The following UBE4B variants were observed in gnomAD, a reference collection of about 807,000 sequenced individuals.
The protein encoded by UBE4B is ubiquitination factor E4B.
UBE4B carries 27 observed loss-of-function variants against 148.1 expected under a neutral mutation model. The observed-to-expected ratio is 0.18, with a 90% CI of 0.13 to 0.25. UBE4B has a LOEUF of 0.25. UBE4B is among the 10% of genes least tolerant of loss of function. The pLI is 1.00. For missense variants in UBE4B, 1,170 were observed against 1,662.4 expected (o/e 0.70, Z 5.15); for synonymous variants, 596 against 619.3 (o/e 0.96, Z 0.56).
intron 1 of UBE4B, among the ~76,000 whole-genome samples, chr1:10,050,859 A>G (rs914689176): frequency 1.1e-4 from 16 of 151,868 alleles, no homozygotes; most frequent in Admixed American, 5.9e-4. Flanking sequence ...AGCCACCACA[A>G]CCGGCCTGCC....
rs575934269 is a variant in UBE4B, at chr1:10,117,466, G to A, written c.1204G>A (p.Ala402Thr). ...SSLRISPSLGASGGASNWDSY... is the reference protein window; with the variant it reads ...SSLRISPSLGTSGGASNWDSY... ...TTCTTGTCTTCTCTGAAGTTTGGGA[G>A]CCTCTGGTGGAGCAAGTAATTGGGA... is the stretch of plus-strand genomic sequence containing the variant. Residue 402 changes from alanine (A) to threonine (T), a missense_variant, in exon 8 of 28, where the codon GCC becomes ACC. Physicochemically the swap from Ala to Thr is moderately conservative, Grantham distance 58 (BLOSUM62 0). This residue lies in a region of UBE4B where 388 missense variants were observed against 536.0 expected (regional missense o/e 0.72). Transcript: ENST00000343090. 1.2e-6 allele frequency: 2 copies of A among 1,607,634 alleles called. No individual in the cohort carries two copies. The highest frequency in any genetic ancestry group is 1.7e-6 in the Non-Finnish European group (2 of 1,178,480).
At chr1:10,154,372 C>G (rs1465152180) in intron 21 of UBE4B, among the ~76,000 whole-genome samples, 1 of 151,540 alleles carries the variant, frequency 6.6e-6, no homozygotes, top group Non-Finnish European at 1.5e-5. Flanking sequence ...TAGCCGAGAT[C>G]TAAAAAAATT....
intron 8 of UBE4B, 82 bp downstream of exon 8, chr1:10,117,682 T>G: frequency 6.9e-7 from 1 of 1,440,052 alleles, no homozygotes; most frequent in South Asian, 1.5e-5. Flanking sequence ...ATTCATTGAT[T>G]TATTCAATCA....
chr1:10,053,508 G>C (rs945344259), intron 1 of UBE4B, among the ~76,000 whole-genome samples: 5 of 152,008 alleles, frequency 3.3e-5, no homozygotes, highest in African/African-American at 1.2e-4. Flanking sequence ...AGGCTGGAGT[G>C]CAGTGGCACA....
At chr1:10,082,215 C>T (rs1644693535) in intron 2 of UBE4B, among the ~76,000 whole-genome samples, 2 of 151,792 alleles carry the variant, frequency 1.3e-5, no homozygotes, top group Admixed American at 1.3e-4. Context: ...ATTTAAATAC[C>T]CAGCTGGGCA....
chr1:10,053,774 C>G (rs1175769529), intron 1 of UBE4B, among the ~76,000 whole-genome samples: 1 of 152,134 alleles, frequency 6.6e-6, no homozygotes, highest in African/African-American at 2.4e-5. Flanking sequence ...CTTGCAGCCT[C>G]GACCTTTCGG....
intron 14 of UBE4B, 70 bp from the exon 15 acceptor site, chr1:10,132,298 TC>T: frequency 8.5e-7 from 1 of 1,181,618 alleles, no homozygotes; most frequent in Non-Finnish European, 1.2e-6. Context: ...GGCTAGCTGT[TC>T]GTGAAGTCAA....
intron 15 of UBE4B, among the ~76,000 whole-genome samples, chr1:10,133,065 C>T (rs1645621831): frequency 6.8e-6 from 1 of 146,778 alleles, no homozygotes; most frequent in Admixed American, 6.7e-5. Context: ...AAGGGGGCAG[C>T]CAGGAACAGA....
At chr1:10,134,944 T>G in intron 15 of UBE4B, 44 bp from the exon 16 acceptor site, 2 of 1,585,722 alleles carry the variant, frequency 1.3e-6, no homozygotes, top group South Asian at 1.1e-5. Context: ...CAAAAAAAAT[T>G]TTTTTTAATG....
At chr1:10,177,576 A>C (rs1646446453) in intron 25 of UBE4B, among the ~76,000 whole-genome samples, 2 of 152,036 alleles carry the variant, frequency 1.3e-5, no homozygotes, top group Admixed American at 6.5e-5. Context: ...GGATTGCTTG[A>C]GCCCAGGAGT....
intron 1 of UBE4B, among the ~76,000 whole-genome samples, chr1:10,065,348 C>T (rs1174905727): frequency 1.3e-5 from 2 of 152,212 alleles, no homozygotes; most frequent in South Asian, 2.1e-4. Context: ...GCGGGAGGAG[C>T]ATGCGGGGGA....
chr1:10,175,609 C>T (rs903505780), intron 25 of UBE4B, among the ~76,000 whole-genome samples: 17 of 152,022 alleles, frequency 1.1e-4, no homozygotes, highest in Non-Finnish European at 2.2e-4. Context: ...CGAGATCGCG[C>T]CACTGCACTC....
At position 10,165,504 on chromosome 1, in the gene UBE4B, T is replaced by C. The variant is rs1157133980; in HGVS notation, c.3199-2632T>C. Among the ~76,000 whole-genome samples the C allele has an allele frequency of 2.0e-5, 3 of 152,240 alleles. No individual in the cohort carries two copies. The East Asian group carries it at 5.8e-4, about 29-fold the overall frequency. Reference sequence around the variant, plus strand: ...AACATCACCACTCAGCTCAGCCATTTTGGGCTTCCCTTATCACTCAGAGCC... The same window carrying C: ...AACATCACCACTCAGCTCAGCCATTCTGGGCTTCCCTTATCACTCAGAGCC... On this transcript the variant is annotated intron_variant, in intron 23 of 27. Coordinates refer to ENST00000343090, the MANE Select transcript of UBE4B (RefSeq NM_001105562.3).
chr1:10,164,617 T>G (rs1646219540), intron 23 of UBE4B, among the ~76,000 whole-genome samples: 1 of 152,232 alleles, frequency 6.6e-6, no homozygotes, highest in South Asian at 2.1e-4. Flanking sequence ...CAAATAATAT[T>G]GATTTTTCCT....
chr1:10,165,744 C>T lies in UBE4B; in HGVS notation c.3199-2392C>T, dbSNP rs568015310. Among the ~76,000 whole-genome samples the T allele has an allele frequency of 1.6e-4, 24 of 152,262 alleles. No homozygotes were observed. The South Asian group carries it at 4.8e-3, about 30-fold the overall frequency. On this transcript the variant is annotated intron_variant, in intron 23 of 27. Coordinates refer to ENST00000343090, the MANE Select transcript of UBE4B (RefSeq NM_001105562.3). Reference sequence around the variant, plus strand: ...ATTTTCCGACTCCTTCAGATATACCCTCCCTCAGGGATACCTTCCCTGACC... The same window carrying T: ...ATTTTCCGACTCCTTCAGATATACCTTCCCTCAGGGATACCTTCCCTGACC...
rs369668231 is a variant in UBE4B at position 10,168,287 on chromosome 1, G to A, written c.3333+17G>A. 6.8e-6 allele frequency: 11 copies of A among 1,612,924 alleles called. No homozygotes were observed. The African/African-American group carries it at 1.5e-4, about 22-fold the overall frequency. ...CTCAGACCGGTGAGTAGAAACCCGGGGCTCTGTTTGGTGGTTTGGACTCCA... is the reference window on the plus strand; with the variant it reads ...CTCAGACCGGTGAGTAGAAACCCGGAGCTCTGTTTGGTGGTTTGGACTCCA... On this transcript the variant is annotated intron_variant, in intron 24 of 27. Coordinates refer to ENST00000343090, the MANE Select transcript of UBE4B (RefSeq NM_001105562.3). The surrounding 1 kb of genome is among the most constrained non-coding windows in gnomAD (Gnocchi z 4.9).
intron 2 of UBE4B, among the ~76,000 whole-genome samples, chr1:10,085,576 T>C (rs1644751370): frequency 6.6e-6 from 1 of 152,240 alleles, no homozygotes; most frequent in Admixed American, 6.5e-5. Context: ...GGATTTGTTA[T>C]TGTAAACTAT....
intron 23 of UBE4B, among the ~76,000 whole-genome samples, chr1:10,165,599 C>T (rs1487724862): frequency 8.5e-5 from 13 of 152,174 alleles, no homozygotes; most frequent in Admixed American, 7.9e-4. Flanking sequence ...CTGCTCTCAG[C>T]TTTGGACAGT....
Position 10,142,562 on chromosome 1 carries a change from T to C in UBE4B, c.2364-2378T>C, listed in dbSNP as rs577933714. Among the ~76,000 whole-genome samples, 4 of 152,064 alleles carry C rather than the reference T, an allele frequency of 2.6e-5. No homozygotes were observed. The South Asian group carries it at 6.2e-4, about 24-fold the overall frequency. On this transcript the variant is annotated intron_variant, in intron 17 of 27. Coordinates refer to ENST00000343090, the MANE Select transcript of UBE4B (RefSeq NM_001105562.3). Reference sequence around the variant, plus strand: ...AGTGCATGCATGTAGTCCCAGCTACTCAAGAGGTTGAGGCAGGAGAATCGC... The same window carrying C: ...AGTGCATGCATGTAGTCCCAGCTACCCAAGAGGTTGAGGCAGGAGAATCGC...
Sources: allele counts gnomAD v4.1 joint callset (sites outside exome capture counted in the v4.1 genomes callset), GRCh38; gene constraint gnomAD v4.1.1; regional missense constraint gnomAD v4.1.1; non-coding constraint Gnocchi (gnomAD v3.1); transcripts MANE v1.5; gene names NCBI Gene and HGNC (gene_info 2026-07-23, HGNC 2026-07-21).